The following MAPK6 variants were observed in gnomAD, a reference collection of about 807,000 sequenced individuals.
The protein encoded by MAPK6 is mitogen-activated protein kinase 6.
MAPK6 carries 19 observed loss-of-function variants against 59.3 expected under a neutral mutation model. The observed-to-expected ratio is 0.32, with a 90% CI of 0.22 to 0.47. The LOEUF is 0.47. Ranked by LOEUF, MAPK6 falls within the 20% of genes least tolerant of loss-of-function variation. MAPK6 has a pLI of 1.00. For missense variants in MAPK6, 724 were observed against 847.9 expected, an observed-to-expected ratio of 0.85 and a Z score of 1.81; for synonymous variants, 316 against 290.3, an observed-to-expected ratio of 1.09 and a Z score of -0.90.
intron 1 of MAPK6, among the ~76,000 whole-genome samples, chr15:52,032,875 G>A (rs1476705407): frequency 6.6e-6 from 1 of 152,030 alleles, no homozygotes; most frequent in East Asian, 1.9e-4. Flanking sequence ...GTAGAGATAG[G>A]GGTTTCTCCA....
intron 3 of MAPK6, among the ~76,000 whole-genome samples, chr15:52,053,438 C>T (rs2031850720): frequency 6.6e-6 from 1 of 152,092 alleles, no homozygotes; most frequent in Non-Finnish European, 1.5e-5. Flanking sequence ...CTGTCCAGAT[C>T]TATTGCCCAT....
At chr15:52,030,299 C>T (rs758738158) in intron 1 of MAPK6, among the ~76,000 whole-genome samples, 1 of 152,148 alleles carries the variant, frequency 6.6e-6, no homozygotes, top group Non-Finnish European at 1.5e-5. Context: ...GCGAGCTCTT[C>T]GGAAGCAGAA....
chr15:51,991,975 G>GAGAC (rs1233810454), intron 2 of MAPK6, among the ~76,000 whole-genome samples: 5 of 152,214 alleles, frequency 3.3e-5, no homozygotes, highest in Admixed American at 6.5e-5. Context: ...TTATTTTTTG[G>GAGAC]AGACTGGGTC....
At chr15:51,975,655 G>C (rs2057155270) in intron 1 of MAPK6, among the ~76,000 whole-genome samples, 1 of 151,844 alleles carries the variant, frequency 6.6e-6, no homozygotes, top group African/African-American at 2.4e-5. Context: ...TGATTAAACA[G>C]AATATATTCA....
At chr15:52,048,943 T>C (rs998882682) in intron 2 of MAPK6, among the ~76,000 whole-genome samples, 1 of 150,300 alleles carries the variant, frequency 6.7e-6, no homozygotes, top group African/African-American at 2.4e-5. Context: ...GTATTGTGGA[T>C]AGAGCACTGA....
At chr15:52,063,509 A>C (rs1249116486) in intron 5 of MAPK6, among the ~76,000 whole-genome samples, 1 of 6,266 alleles carries the variant, frequency 1.6e-4, no homozygotes, top group South Asian at 1.3e-3. Flanking sequence ...TTTCCAGCAA[A>C]CCTCCTCCTC....
intron 2 of MAPK6, among the ~76,000 whole-genome samples, chr15:52,000,626 T>C (rs1260603509): frequency 1.3e-5 from 2 of 151,996 alleles, no homozygotes; most frequent in Non-Finnish European, 2.9e-5. Context: ...GCCAATATGG[T>C]GAAACTCCGT....
intron 2 of MAPK6, among the ~76,000 whole-genome samples, chr15:52,001,019 T>G (rs2057240444): frequency 6.6e-6 from 1 of 152,124 alleles, no homozygotes; most frequent in Admixed American, 6.6e-5. Context: ...TGAATGTGTC[T>G]TCTCCAAAAT....
At chr15:51,998,450 C>T (rs2057231943) in intron 2 of MAPK6, among the ~76,000 whole-genome samples, 3 of 150,650 alleles carry the variant, frequency 2.0e-5, no homozygotes, top group Non-Finnish European at 4.4e-5. Flanking sequence ...GGTGATCCAC[C>T]GGCCTCAGCC....
At chr15:52,028,974 A>G (rs953233627) in intron 1 of MAPK6, among the ~76,000 whole-genome samples, 1 of 152,186 alleles carries the variant, frequency 6.6e-6, no homozygotes, top group Non-Finnish European at 1.5e-5. Flanking sequence ...CGGCCTATTC[A>G]TCTACTTCTC....
At chr15:52,054,439 A>G (rs2031891612) in intron 3 of MAPK6, among the ~76,000 whole-genome samples, 1 of 152,146 alleles carries the variant, frequency 6.6e-6, no homozygotes, top group Non-Finnish European at 1.5e-5. Flanking sequence ...TTGTCCTGGC[A>G]CCATTTGTTG....
chr15:52,042,641 A>G (rs540526613), intron 1 of MAPK6: 1 of 152,340 alleles, frequency 6.6e-6, no homozygotes, highest in East Asian at 1.9e-4. Context: ...TCTGTCAGAT[A>G]ACAGTGGTGT....
At chr15:52,044,521 A>C (rs1268874516) in intron 1 of MAPK6, among the ~76,000 whole-genome samples, 2 of 152,108 alleles carry the variant, frequency 1.3e-5, no homozygotes, top group African/African-American at 4.8e-5. Context: ...TTCTGCCTAA[A>C]ATATTGTCTG....
chr15:51,984,394 G>A (rs1314239937), intron 2 of MAPK6, among the ~76,000 whole-genome samples: 2 of 149,138 alleles, frequency 1.3e-5, no homozygotes, highest in Non-Finnish European at 3.0e-5. Context: ...CCATTCTCCT[G>A]CCTCAGCCGC....
At chr15:52,016,087 C>G (rs1357347575), upstream of MAPK6, among the ~76,000 whole-genome samples, 2 of 143,030 alleles carry the variant, frequency 1.4e-5, no homozygotes, top group Non-Finnish European at 3.1e-5. Flanking sequence ...CACACACACA[C>G]ACACACACAC....
Position 51,971,907 on chromosome 15 carries a change from G to T in MAPK6, c.-880+1G>T. On this transcript the variant is annotated splice_donor_variant, in intron 1 of 7. Coordinates refer to the MAPK6 transcript ENST00000691380. LOFTEE classifies it low-confidence loss of function (5UTR_SPLICE). ...GCCCAGTGAACCTGTTCTCGCCTGG[G>T]TATGCATGGTATATAAGCCCGGCCA... The T allele has an allele frequency of 1.5e-6, 1 of 686,724 alleles. No homozygotes were observed. The highest frequency in any genetic ancestry group is 2.6e-6 in the Non-Finnish European group (1 of 384,372). The allele number at this position is 686,724 out of a possible 1,614,324, so 42.5% of individuals were successfully genotyped here.
At chr15:51,973,458 C>T (rs935577249) in intron 1 of MAPK6, among the ~76,000 whole-genome samples, 8 of 151,888 alleles carry the variant, frequency 5.3e-5, no homozygotes, top group African/African-American at 1.4e-4. Flanking sequence ...CCTCCTGCCT[C>T]GGCCTCCTAA....
At chr15:52,025,150 A>T (rs1313096701) in intron 1 of MAPK6, among the ~76,000 whole-genome samples, 2 of 152,122 alleles carry the variant, frequency 1.3e-5, no homozygotes, top group Non-Finnish European at 2.9e-5. Context: ...CTGAGATGAG[A>T]GGATTGCTTG....
At chr15:52,049,538 G>C (rs1245487964) in intron 2 of MAPK6, among the ~76,000 whole-genome samples, 3 of 151,176 alleles carry the variant, frequency 2.0e-5, no homozygotes, top group Non-Finnish European at 4.4e-5. Flanking sequence ...ATGTTGCCCA[G>C]GCTGGTCTCA....
Sources: gnomAD v4.1 joint callset for allele counts (sites outside exome capture counted in the v4.1 genomes callset) on GRCh38, gnomAD v4.1.1 for gene constraint, MANE v1.5 for transcripts, NCBI Gene and HGNC (gene_info 2026-07-23, HGNC 2026-07-21) for gene names.